SGK3: variants seen among roughly 807,000 people sequenced by gnomAD.
SGK3 encodes the protein serum/glucocorticoid regulated kinase family member 3.
A neutral mutation model predicts 68.5 loss-of-function variants in SGK3; 47 were observed. That is an observed-to-expected ratio of 0.69 (90% CI 0.54 to 0.87). The LOEUF (loss-of-function observed/expected upper bound fraction) is 0.87, where lower values mean the gene tolerates loss of function less well. Ranked by LOEUF, SGK3 falls within the 40% of genes least tolerant of loss-of-function variation. SGK3 has a pLI of 0.00. For missense variants in SGK3, 479 were observed against 575.5 expected, an observed-to-expected ratio of 0.83 and a Z score of 1.72; for synonymous variants, 181 against 189.1, an observed-to-expected ratio of 0.96 and a Z score of 0.35.
rs137933523 is a variant in SGK3, at chr8:66,848,086, G to A, written c.1230+738G>A. On this transcript the variant is annotated intron_variant, in intron 15 of 16. Transcript: ENST00000521198. ...CTTATCAATTTTGAACTTGAGCTGT[G>A]AATAAAAGACTTTGCTGCTACTGCT... is the stretch of plus-strand genomic sequence containing the variant. Among the ~76,000 whole-genome samples the A allele has an allele frequency of 6.0e-3, 906 of 152,186 alleles. 9 individuals are homozygous for A. Among genetic ancestry groups the A allele is most frequent in the Middle Eastern group, 0.024 (7 of 294 alleles).
chr8:66,751,062 G>T (rs1805800782), intron 1 of SGK3, among the ~76,000 whole-genome samples: 2 of 151,850 alleles, frequency 1.3e-5, no homozygotes, highest in African/African-American at 2.4e-5. Flanking sequence ...CACTTTGGGA[G>T]GCTGAGGTGG....
intron 5 of SGK3, among the ~76,000 whole-genome samples, chr8:66,815,671 T>A (rs1216090252): frequency 1.3e-5 from 2 of 152,192 alleles, no homozygotes; most frequent in East Asian, 1.9e-4. Flanking sequence ...CGAGCGGGCA[T>A]GGAATAAGTA....
At chr8:66,757,025 C>G (rs1805998470) in intron 1 of SGK3, among the ~76,000 whole-genome samples, 1 of 151,984 alleles carries the variant, frequency 6.6e-6, no homozygotes, top group African/African-American at 2.4e-5. Flanking sequence ...GGTTCTTTGC[C>G]TAGAAGGATG....
At chr8:66,840,890 C>T (rs1289300173) in intron 12 of SGK3, 134 bp from the exon 13 acceptor site, 5 of 463,290 alleles carry the variant, frequency 1.1e-5, no homozygotes, top group Non-Finnish European at 1.4e-5. Context: ...TGCAGTGAGC[C>T]GAGATCACAC....
chr8:66,840,359 A>G, intron 12 of SGK3, 112 bp downstream of exon 12: 1 of 1,078,776 alleles, frequency 9.3e-7, no homozygotes, highest in Non-Finnish European at 1.3e-6. Context: ...TTTATATAAC[A>G]TTCTCAAAAT....
At chr8:66,779,043 A>G (rs1227148373) in intron 1 of SGK3, among the ~76,000 whole-genome samples, 1 of 152,132 alleles carries the variant, frequency 6.6e-6, no homozygotes, top group South Asian at 2.1e-4. Context: ...AAAGTAATTT[A>G]CTTTCTTTCC....
chr8:66,853,843 C>A (rs1364557301), intron 16 of SGK3, among the ~76,000 whole-genome samples: 1 of 152,138 alleles, frequency 6.6e-6, no homozygotes, highest in Non-Finnish European at 1.5e-5. Context: ...TAATACAAAC[C>A]ATGAATGGGT....
chr8:66,823,408 A>AT (rs1808926621), intron 6 of SGK3, among the ~76,000 whole-genome samples: 1 of 143,030 alleles, frequency 7.0e-6, no homozygotes, highest in African/African-American at 2.6e-5. Context: ...TTTTTTGTTA[A>AT]TTTTTTTTGA....
chr8:66,752,717 T>C (rs1805855061), intron 1 of SGK3, among the ~76,000 whole-genome samples: 1 of 152,060 alleles, frequency 6.6e-6, no homozygotes, highest in Admixed American at 6.6e-5. Context: ...CAGGTGCTTA[T>C]CCACAGTGGT....
intron 2 of SGK3, among the ~76,000 whole-genome samples, chr8:66,796,843 A>G (rs748858959): frequency 6.6e-5 from 10 of 152,176 alleles, no homozygotes; most frequent in Non-Finnish European, 1.0e-4. Flanking sequence ...GGGACAAGAC[A>G]GACAATAAGG....
At chr8:66,787,986 T>C (rs1408666896) in intron 1 of SGK3, among the ~76,000 whole-genome samples, 1 of 152,144 alleles carries the variant, frequency 6.6e-6, no homozygotes, top group Non-Finnish European at 1.5e-5. Flanking sequence ...TTCACCCCTC[T>C]CTTTCAGGCC....
intron 16 of SGK3, among the ~76,000 whole-genome samples, chr8:66,851,448 G>C (rs1218239319): frequency 6.6e-6 from 1 of 151,968 alleles, no homozygotes; most frequent in Non-Finnish European, 1.5e-5. Flanking sequence ...TTGAACTCAG[G>C]AGGTGGAGAT....
intron 8 of SGK3, among the ~76,000 whole-genome samples, chr8:66,831,770 A>G (rs967852173): frequency 2.0e-5 from 3 of 152,224 alleles, no homozygotes; most frequent in Admixed American, 1.3e-4. Context: ...AATACTAACA[A>G]TAATTAGGGA....
rs200543506 is a variant in SGK3, at chr8:66,813,849, C to T, written c.254-4C>T. 369 of 1,571,088 alleles carry T rather than the reference C, an allele frequency of 2.3e-4. 1 individual carries two copies. The highest frequency in any genetic ancestry group is 5.1e-4 in the Middle Eastern group (3 of 5,934). On this transcript the variant is annotated splice_region_variant and splice_polypyrimidine_tract_variant and intron_variant, in intron 4 of 16. Transcript: ENST00000521198. ...AATCCTAATAGTTTATATCTCTCTT[C>T]CAGATTTTATTAAACAAAGACGAGC...
In SGK3 at chr8:66,859,708, T is replaced by A; in HGVS notation, c.*127T>A. 8.9e-7 allele frequency: 1 copy of A among 1,122,818 alleles called. No homozygotes were observed. The highest frequency in any genetic ancestry group is 1.2e-6 in the Non-Finnish European group (1 of 856,482). The allele number at this position is 1,122,818 out of a possible 1,614,324, so 69.6% of individuals were successfully genotyped here. ...TTTTTATATGTAATGATGAAAACTATGAAAAAATGTATTTTCTTCTATGTG... is the reference window on the plus strand; with the variant it reads ...TTTTTATATGTAATGATGAAAACTAAGAAAAAATGTATTTTCTTCTATGTG... On this transcript the variant is annotated 3_prime_UTR_variant, in exon 17 of 17. Coordinates refer to ENST00000521198, the MANE Select transcript of SGK3 (RefSeq NM_001033578.3).
At chr8:66,837,291 A>G (rs543756051) in intron 10 of SGK3, among the ~76,000 whole-genome samples, 9 of 152,210 alleles carry the variant, frequency 5.9e-5, no homozygotes, top group Non-Finnish European at 1.2e-4. Context: ...GTATTGTCAT[A>G]TCTTTACAAA....
At chr8:66,784,819 T>C (rs1741374969) in intron 1 of SGK3, among the ~76,000 whole-genome samples, 1 of 152,192 alleles carries the variant, frequency 6.6e-6, no homozygotes, top group South Asian at 2.1e-4. Flanking sequence ...TGCTATTTTT[T>C]TACAGACCCC....
chr8:66,750,646 G>A (rs1057083630), intron 1 of SGK3, among the ~76,000 whole-genome samples: 4 of 151,460 alleles, frequency 2.6e-5, no homozygotes, highest in African/African-American at 4.8e-5. Context: ...TTGAGATCAC[G>A]CCACTGCACT....
intron 1 of SGK3, among the ~76,000 whole-genome samples, chr8:66,790,392 G>C (rs1298935711): frequency 6.6e-6 from 1 of 152,190 alleles, no homozygotes; most frequent in Admixed American, 6.5e-5. Flanking sequence ...AGAGATACAG[G>C]CAGCTGCTTT....
Sources: allele counts gnomAD v4.1 joint callset (sites outside exome capture counted in the v4.1 genomes callset), GRCh38; gene constraint gnomAD v4.1.1; transcripts MANE v1.5; gene names NCBI Gene and HGNC (gene_info 2026-07-23, HGNC 2026-07-21).